The following MASP2 variants were observed in gnomAD, a reference collection of about 807,000 sequenced individuals.
MASP2 encodes the protein MBL associated serine protease 2.
MASP2 carries 49 observed loss-of-function variants against 57.1 expected under a neutral mutation model. The ratio of observed to expected loss-of-function variants is 0.86; its 90% CI spans 0.68 to 1.09. The LOEUF (loss-of-function observed/expected upper bound fraction) is 1.09, where lower values mean the gene tolerates loss of function less well. Among genes scored for constraint, MASP2 ranks in the 50% least tolerant of loss-of-function variants. The pLI, the probability that MASP2 is intolerant of heterozygous loss-of-function variation, is 0.00. For missense variants in MASP2, 900 were observed against 874.8 expected, an observed-to-expected ratio of 1.03 and a Z score of -0.36; for synonymous variants, 379 against 340.8, an observed-to-expected ratio of 1.11 and a Z score of -1.24.
intron 7 of MASP2, among the ~76,000 whole-genome samples, chr1:11,036,991 C>G (rs1451861076): frequency 6.6e-6 from 1 of 152,090 alleles, no homozygotes; most frequent in Admixed American, 6.6e-5. Context: ...TTCTGTCATT[C>G]CAGCCACTTC....
Position 11,030,824 on chromosome 1 carries a change from A to T in MASP2, c.1146T>A (p.Gly382=). 1 of 1,614,000 alleles carries T rather than the reference A, an allele frequency of 6.2e-7. No individual in the cohort carries two copies. The highest frequency in any genetic ancestry group is 1.3e-5 in the African/African-American group (1 of 75,036). ...LPSGRVEYIT[G]PGVTTYKAVI... ...CAGCTTTGTAGGTGGTCACTCCAGG[A>T]CCTGTGATGTACTCCACTCGGCCAC... Residue 382 remains glycine (G), a synonymous_variant, in exon 9 of 11, where the codon GGT becomes GGA. Coordinates refer to ENST00000400897, the MANE Select transcript of MASP2 (RefSeq NM_006610.4).
In MASP2 at chr1:11,026,536, G is replaced by A; in HGVS notation, c.*349C>T. 5.7e-6 allele frequency: 1 copy of A among 175,386 alleles called. No homozygotes were observed. Among genetic ancestry groups the A allele is most frequent in the Non-Finnish European group, 1.2e-5 (1 of 84,250 alleles). 10.9% of individuals were successfully genotyped at this position (175,386 alleles called of 1,614,324 possible). On this transcript the variant is annotated 3_prime_UTR_variant, in exon 11 of 11. Transcript: ENST00000400897. ...CACTTACAGAGATCAATAAGAACAA[G>A]TTTAAAAACAAAGAGCATGGACAGG...
Position 11,026,674 on chromosome 1 carries a change from C to T in MASP2, c.*211G>A, listed in dbSNP as rs542892676. 6.4e-5 allele frequency: 25 copies of T among 389,808 alleles called. No individual in the cohort carries two copies. The highest frequency in any genetic ancestry group is 6.5e-4 in the Middle Eastern group (1 of 1,532). 24.1% of individuals were successfully genotyped at this position (389,808 alleles called of 1,614,324 possible). A position where few individuals can be genotyped will look rare whatever the true frequency, so the allele number is the denominator to read the frequency against. ...GGTGGGCAAAGATGACTGTCACTCT[C>T]GTGGTTTATGTCCCCTTGAGTCAAT... is the stretch of plus-strand genomic sequence containing the variant. On this transcript the variant is annotated 3_prime_UTR_variant, in exon 11 of 11. Coordinates refer to ENST00000400897, the MANE Select transcript of MASP2 (RefSeq NM_006610.4).
In MASP2 at chr1:11,030,852, GGT is replaced by G; in HGVS notation, c.1116_1117del (p.Pro373GlnfsTer24). ...TGTGATGTACTCCACTCGGCCACTG[GGT>G]AGATCATCAGGAGGGCCACAGTCAA... On this transcript the variant is annotated frameshift_variant, in exon 9 of 11. Transcript: ENST00000400897. LOFTEE classifies it high-confidence loss of function. 1.2e-6 allele frequency: 2 copies of G among 1,613,710 alleles called. No individual in the cohort carries two copies. The highest frequency in any genetic ancestry group is 1.7e-6 in the Non-Finnish European group (2 of 1,179,872).
chr1:11,027,210 C>T lies in MASP2; in HGVS notation c.1736G>A (p.Gly579Asp), dbSNP rs1336933517. ...ATACATTAGATTTCTAGCAAGAAAA[C>T]CCCTTTGGGTTAATCCCCATCCAGA... ...TASGWGLTQRGFLARNLMYVD... is the reference protein window; with the variant it reads ...TASGWGLTQRDFLARNLMYVD... Residue 579 changes from glycine (G) to aspartate (D), a missense_variant, in exon 11 of 11, where the codon GGT becomes GAT. By Grantham distance (94) the Gly-to-Asp change is moderately conservative. Transcript: ENST00000400897. The T allele has an allele frequency of 5.0e-6, 8 of 1,614,136 alleles. No homozygotes were observed. Among genetic ancestry groups the T allele is most frequent in the East Asian group, 2.2e-5 (1 of 44,880 alleles).
chr1:11,027,441 A>G lies in MASP2; in HGVS notation c.1505T>C (p.Leu502Pro). Residue 502 changes from leucine (L) to proline (P), a missense_variant, in exon 11 of 11, where the codon CTG becomes CCG. Coordinates refer to ENST00000400897, the MANE Select transcript of MASP2 (RefSeq NM_006610.4). ...ASALDIRMGT[L>P]KRLSPHYTQA... ...TGTATAATGAGGTGATAGTCTTTTC[A>G]GGGTGCCCATTCGAATGTCCAGGGC... 1 of 1,614,166 alleles carries G rather than the reference A, an allele frequency of 6.2e-7. No homozygotes were observed. The highest frequency in any genetic ancestry group is 8.5e-7 in the Non-Finnish European group (1 of 1,179,990).
chr1:11,037,486 A>AG (rs1172786815), intron 7 of MASP2, among the ~76,000 whole-genome samples: 2 of 152,190 alleles, frequency 1.3e-5, no homozygotes, highest in Non-Finnish European at 2.9e-5. Context: ...GAAAGAAAAA[A>AG]GGGCGGGATT....
chr1:11,045,851 T>C, intron 3 of MASP2: 1 of 402,902 alleles, frequency 2.5e-6, no homozygotes, highest in Non-Finnish European at 4.6e-6. Flanking sequence ...GCTGAACCCT[T>C]GCAGCAGCTT....
chr1:11,041,828 G>T (rs1638460468), intron 6 of MASP2, among the ~76,000 whole-genome samples: 45 of 97,778 alleles, frequency 4.6e-4, no homozygotes, highest in Middle Eastern at 4.8e-3. Context: ...ATGGGTGGAT[G>T]GGTAGATGAG....
chr1:11,037,236 G>A (rs1448628026), intron 7 of MASP2, among the ~76,000 whole-genome samples: 1 of 148,978 alleles, frequency 6.7e-6, no homozygotes, highest in African/African-American at 2.6e-5. Context: ...TAGTGGAGAC[G>A]GGGCTACTAC....
intron 4 of MASP2, 136 bp from the exon 5 acceptor site, chr1:11,043,671 T>C: frequency 1.5e-6 from 1 of 646,064 alleles, no homozygotes; most frequent in Admixed American, 2.9e-5. Flanking sequence ...TGGGTTGGGC[T>C]GGGCCCTGCA....
chr1:11,043,806 C>T (rs1037133882), intron 4 of MASP2, among the ~76,000 whole-genome samples: 2 of 152,012 alleles, frequency 1.3e-5, no homozygotes, highest in Non-Finnish European at 2.9e-5. Context: ...CGGGATGGAG[C>T]GCACAGGCCC....
In MASP2 at chr1:11,030,020, G is replaced by A. The variant is rs367627703; in HGVS notation, c.1297+156C>T. The A allele has an allele frequency of 5.7e-5, 33 of 577,920 alleles. 1 individual carries two copies. Among genetic ancestry groups the A allele is most frequent in the Middle Eastern group, 6.3e-4 (2 of 3,162 alleles). The allele number at this position is 577,920 out of a possible 1,614,324, so 35.8% of individuals were successfully genotyped here. A position where few individuals can be genotyped will look rare whatever the true frequency, so the allele number is the denominator to read the frequency against. ...CTAACAACCTCTGTATATGGGAAGG[G>A]GGTAATGAGAACATACTATTTGGAA... On this transcript the variant is annotated intron_variant, in intron 10 of 10. Coordinates refer to ENST00000400897, the MANE Select transcript of MASP2 (RefSeq NM_006610.4).
chr1:11,046,760 G>T, intron 2 of MASP2, 27 bp from the exon 3 acceptor site: 1 of 1,604,448 alleles, frequency 6.2e-7, no homozygotes. Flanking sequence ...CACAGGGAGT[G>T]AAGGCAAGAC....
chr1:11,044,032 C>T (rs1436915950), intron 4 of MASP2, among the ~76,000 whole-genome samples: 1 of 152,128 alleles, frequency 6.6e-6, no homozygotes, highest in African/African-American at 2.4e-5. Context: ...CTTCGGAGCT[C>T]CCCTAAATTC....
At chr1:11,027,731 A>G (rs1338712272) in intron 10 of MASP2, 83 bp from the exon 11 acceptor site, 3 of 1,443,648 alleles carry the variant, frequency 2.1e-6, no homozygotes, top group Non-Finnish European at 2.8e-6. Context: ...CTTGAAGTAT[A>G]TATTTGATGT....
At chr1:11,029,952 G>T (rs1643814038) in intron 10 of MASP2, 1 of 410,668 alleles carries the variant, frequency 2.4e-6, no homozygotes, top group East Asian at 4.1e-5. Context: ...TGCTTGCCTA[G>T]TTATAAGGTC....
chr1:11,028,953 T>C (rs1643792230), intron 10 of MASP2, among the ~76,000 whole-genome samples: 1 of 150,974 alleles, frequency 6.6e-6, no homozygotes, highest in South Asian at 2.1e-4. Flanking sequence ...GACCTCACGA[T>C]CTGCCCGCCT....
intron 4 of MASP2, chr1:11,044,982 A>T (rs1357342549): frequency 6.2e-7 from 1 of 1,607,412 alleles, no homozygotes; most frequent in Non-Finnish European, 8.5e-7. Flanking sequence ...AGGCAAGGAG[A>T]GACACCGAGA....
Sources: allele counts gnomAD v4.1 joint callset (sites outside exome capture counted in the v4.1 genomes callset), GRCh38; gene constraint gnomAD v4.1.1; transcripts MANE v1.5; gene names NCBI Gene and HGNC (gene_info 2026-07-23, HGNC 2026-07-21).